GTF3C2: variants seen among roughly 807,000 people sequenced by gnomAD.
GTF3C2 encodes the protein general transcription factor 3C polypeptide 2.
Under a neutral mutation model 117.4 loss-of-function variants are expected in GTF3C2, and 17 were observed. The observed-to-expected ratio is 0.14, with a 90% CI of 0.10 to 0.22. The LOEUF (loss-of-function observed/expected upper bound fraction) is 0.22. Among genes scored for constraint, GTF3C2 ranks in the 10% least tolerant of loss-of-function variants. GTF3C2 has a pLI of 1.00. For synonymous variants in GTF3C2, 437 were observed against 427.0 expected (o/e 1.02, Z -0.29); for missense variants, 888 against 1,143.6 (o/e 0.78, Z 3.22).
Position 27,328,449 on chromosome 2 carries a change from T to C in GTF3C2, c.2256+19A>G, listed in dbSNP as rs778518134. On this transcript the variant is annotated intron_variant, in intron 16 of 18. Coordinates refer to ENST00000264720, the Ensembl canonical transcript of GTF3C2. The stretch of plus-strand genomic sequence containing the variant: ...TGGGTTAGGATCCAACAGCTGCTGT[T>C]AGATGTTCGTATACGTACAAATCTT... 3 of 1,613,500 alleles carry C rather than the reference T, an allele frequency of 1.9e-6. No individual in the cohort carries two copies. In the South Asian group the frequency reaches 3.3e-5, roughly 18 times the overall value.
chr2:27,345,926 G>A (rs1680901949), intron 1 of GTF3C2, among the ~76,000 whole-genome samples: 1 of 151,462 alleles, frequency 6.6e-6, no homozygotes, highest in African/African-American at 2.4e-5. Flanking sequence ...TGTTGACCAG[G>A]CTGGTCTTGG....
At chr2:27,328,868 A>G in exon 15 of GTF3C2, 1 of 1,613,050 alleles carries the variant, frequency 6.2e-7, no homozygotes, top group Non-Finnish European at 8.5e-7. Flanking sequence ...TTCGAGGAGC[A>G]GTGAAGTAGG....
At chr2:27,341,752 A>T (rs1340253396) in intron 4 of GTF3C2, 196 bp downstream of exon 4, 5 of 581,944 alleles carry the variant, frequency 8.6e-6, no homozygotes, top group Non-Finnish European at 1.5e-5. Flanking sequence ...TATATGAATG[A>T]ATAATCTTGT....
rs1680544890 is a variant in GTF3C2, at chr2:27,337,743, T to C, written c.950+183A>G. The stretch of plus-strand genomic sequence containing the variant: ...CAGCTGAGAAACAGAGCCTTTCATT[T>C]TATTTCACTTTAATTAAAGAGTTCT... On this transcript the variant is annotated intron_variant, in intron 5 of 18. Coordinates refer to ENST00000264720, the Ensembl canonical transcript of GTF3C2. 46 of 688,720 alleles carry C rather than the reference T, an allele frequency of 6.7e-5. No individual in the cohort carries two copies. In the South Asian group the frequency reaches 7.6e-4, roughly 11 times the overall value. The allele number at this position is 688,720 out of a possible 1,614,324, so 42.7% of individuals were successfully genotyped here. A position where few individuals can be genotyped will look rare whatever the true frequency, so the allele number is the denominator to read the frequency against.
intron 3 of GTF3C2, 95 bp downstream of exon 3, chr2:27,342,731 C>A (rs573898409): frequency 4.3e-6 from 4 of 919,752 alleles, no homozygotes; most frequent in Non-Finnish European, 6.9e-6. Context: ...CCCCTGCTTA[C>A]CTAATACCTC....
At chr2:27,345,593 T>TA (rs1680889194) in intron 1 of GTF3C2, among the ~76,000 whole-genome samples, 1 of 151,838 alleles carries the variant, frequency 6.6e-6, no homozygotes, top group Non-Finnish European at 1.5e-5. Context: ...ACTCTGTCTT[T>TA]AAAAAAAAGA....
At chr2:27,351,084 C>T (rs1681117895) in intron 1 of GTF3C2, among the ~76,000 whole-genome samples, 1 of 151,948 alleles carries the variant, frequency 6.6e-6, no homozygotes, top group Non-Finnish European at 1.5e-5. Context: ...GCACTGCATT[C>T]CATCCTCACA....
chr2:27,352,750 T>A, intron 1 of GTF3C2, among the ~76,000 whole-genome samples: 1 of 152,212 alleles, frequency 6.6e-6, no homozygotes, highest in East Asian at 1.9e-4. Flanking sequence ...CTAAGAAGCA[T>A]ATTGTCCCCC....
At chr2:27,354,647 C>T (rs187527290) in intron 1 of GTF3C2, among the ~76,000 whole-genome samples, 1 of 151,842 alleles carries the variant, frequency 6.6e-6, no homozygotes, top group Admixed American at 6.6e-5. Context: ...CCCATCTACT[C>T]GGGAGGCTGA....
intron 2 of GTF3C2, 73 bp downstream of exon 2, chr2:27,343,235 C>A: frequency 6.5e-7 from 1 of 1,548,972 alleles, no homozygotes; most frequent in Non-Finnish European, 8.8e-7. Context: ...TTGTAAGATC[C>A]TATGAGCTCA....
Position 27,343,479 on chromosome 2 carries a change from G to A in GTF3C2, c.76C>T (p.Pro26Ser), listed in dbSNP as rs772745624. 6.8e-6 allele frequency: 11 copies of A among 1,614,080 alleles called. No individual in the cohort carries two copies. Among genetic ancestry groups the A allele is most frequent in the Middle Eastern group, 3.3e-4 (2 of 6,060 alleles). Reference sequence around the variant, plus strand: ...AGCTGATTTAGCACCTCTTGTCCAGGAGAGTCTACCACAGTCATGTTCCCC... The same window carrying A: ...AGCTGATTTAGCACCTCTTGTCCAGAAGAGTCTACCACAGTCATGTTCCCC... The change falls in exon 2 of 19, where the codon CCT (proline) becomes TCT (serine). Residue 26 changes from proline (P) to serine (S), a missense_variant. Coordinates refer to ENST00000264720, the Ensembl canonical transcript of GTF3C2.
At position 27,335,488 on chromosome 2, in the gene GTF3C2, G is replaced by A. The variant is rs1466073493; in HGVS notation, c.1576+110C>T. ...CAGGGTGTGTGTGTGGCTGAGTAAGGCTTTGTGCTAAGAGAGACTGGCCCA... is the reference window on the plus strand; with the variant it reads ...CAGGGTGTGTGTGTGGCTGAGTAAGACTTTGTGCTAAGAGAGACTGGCCCA... On this transcript the variant is annotated intron_variant, in intron 10 of 18. Transcript: ENST00000264720. 3 of 725,146 alleles carry A rather than the reference G, an allele frequency of 4.1e-6. No individual in the cohort carries two copies. The South Asian group carries it at 4.6e-5, about 11-fold the overall frequency. The allele number at this position is 725,146 out of a possible 1,614,324, so 44.9% of individuals were successfully genotyped here.
At chr2:27,335,560 CACTACA>C in intron 10 of GTF3C2, 32 bp downstream of exon 10, 1 of 1,161,998 alleles carries the variant, frequency 8.6e-7, no homozygotes, top group Non-Finnish European at 1.3e-6. Flanking sequence ...CTGTGACCAC[CACTACA>C]GCAGCCCCAT....
exon 18 of GTF3C2, chr2:27,327,253 G>C: frequency 6.2e-7 from 1 of 1,605,754 alleles, no homozygotes; most frequent in South Asian, 1.1e-5. Flanking sequence ...GCGCAGCATT[G>C]GTTCTCTACG....
exon 9 of GTF3C2, chr2:27,336,017 C>G (rs1251448357): frequency 1.2e-6 from 2 of 1,610,782 alleles, no homozygotes; most frequent in Non-Finnish European, 1.7e-6. Context: ...AAAGTGGGCC[C>G]TGTTGCCAGG....
intron 18 of GTF3C2, 136 bp downstream of exon 18, chr2:27,327,041 G>A: frequency 5.9e-6 from 4 of 674,452 alleles, no homozygotes; most frequent in Non-Finnish European, 2.6e-6. Context: ...AAAAGCCAGT[G>A]AATGAGGTAC....
Position 27,348,469 on chromosome 2 carries a change from G to T in GTF3C2, c.-24-4891C>A, listed in dbSNP as rs1572582540. Among the ~76,000 whole-genome samples the T allele has an allele frequency of 2.6e-5, 4 of 151,908 alleles. No individual in the cohort carries two copies. The East Asian group carries it at 7.7e-4, about 29-fold the overall frequency. ...AAACAAACAAAAAAACCGAAAACAT[G>T]TATCATAACAATAAACACATATCAT... On this transcript the variant is annotated intron_variant, in intron 1 of 18. Coordinates refer to ENST00000264720, the Ensembl canonical transcript of GTF3C2.
At chr2:27,346,919 T>C (rs1231304904) in intron 1 of GTF3C2, among the ~76,000 whole-genome samples, 1 of 151,610 alleles carries the variant, frequency 6.6e-6, no homozygotes, top group African/African-American at 2.4e-5. Flanking sequence ...TTGTCTTGAA[T>C]TCCTAACCTC....
At chr2:27,334,889 C>T (rs1438971886) in intron 10 of GTF3C2, among the ~76,000 whole-genome samples, 1 of 152,168 alleles carries the variant, frequency 6.6e-6, no homozygotes, top group Non-Finnish European at 1.5e-5. Flanking sequence ...AAGCAATCCT[C>T]CCACCTAGGC....
Sources: allele counts gnomAD v4.1 joint callset (sites outside exome capture counted in the v4.1 genomes callset), GRCh38; gene constraint gnomAD v4.1.1; transcripts MANE v1.5; gene names NCBI Gene and HGNC (gene_info 2026-07-23, HGNC 2026-07-21).